The following FOXP1 variants were observed in gnomAD, a reference collection of about 807,000 sequenced individuals.
FOXP1 encodes the protein forkhead box protein P1.
A neutral mutation model predicts 98.2 loss-of-function variants in FOXP1; 15 were observed. The ratio of observed to expected loss-of-function variants is 0.15; its 90% confidence interval spans 0.10 to 0.24. The LOEUF is 0.24. Ranked by LOEUF, FOXP1 falls within the 10% of genes least tolerant of loss-of-function variation. FOXP1 has a pLI of 1.00. For synonymous variants in FOXP1, 371 were observed against 314.5 expected, an observed-to-expected ratio of 1.18 and a Z score of -1.90; for missense variants, 633 against 848.5, an observed-to-expected ratio of 0.75 and a Z score of 3.15.
At chr3:70,972,379 C>T (rs575297344) in intron 18 of FOXP1, 176 bp downstream of exon 18, 5 of 978,590 alleles carry the variant, frequency 5.1e-6, no homozygotes, top group East Asian at 5.0e-5. Context: ...GCAAGCAGGG[C>T]AGGGGGACTG....
At chr3:71,058,349 A>G (rs571939419) in intron 7 of FOXP1, among the ~76,000 whole-genome samples, 1 of 152,338 alleles carries the variant, frequency 6.6e-6, no homozygotes, top group South Asian at 2.1e-4. Context: ...AAAAAATGCT[A>G]AACACTGTTT....
At chr3:70,972,905 T>A (rs2036573193) in intron 17 of FOXP1, among the ~76,000 whole-genome samples, 2 of 152,042 alleles carry the variant, frequency 1.3e-5, no homozygotes, top group Non-Finnish European at 2.9e-5. Context: ...TCTCTGGTAA[T>A]AACTGACCAG....
At chr3:71,366,531 G>GAA (rs2078941617) in intron 3 of FOXP1, among the ~76,000 whole-genome samples, 1 of 152,016 alleles carries the variant, frequency 6.6e-6, no homozygotes, top group Admixed American at 6.6e-5. Flanking sequence ...TAGAGAAATG[G>GAA]GATTACGGTC....
At chr3:71,217,590 A>C (rs983407172) in intron 5 of FOXP1, among the ~76,000 whole-genome samples, 5 of 152,064 alleles carry the variant, frequency 3.3e-5, no homozygotes, top group African/African-American at 9.7e-5. Flanking sequence ...AGTATATTTC[A>C]AGAGGCTGGG....
intron 5 of FOXP1, among the ~76,000 whole-genome samples, chr3:71,204,601 T>C (rs796261690): frequency 7.2e-5 from 11 of 152,272 alleles, no homozygotes; most frequent in African/African-American, 2.6e-4. Flanking sequence ...GGCGAGATGC[T>C]GCTGGAGCAG....
chr3:71,182,875 T>G, intron 6 of FOXP1, among the ~76,000 whole-genome samples: 1 of 151,696 alleles, frequency 6.6e-6, no homozygotes, highest in African/African-American at 2.4e-5. Flanking sequence ...ATAATCCCAT[T>G]AACAGACCCC....
chr3:71,304,039 A>G (rs2074070418), intron 4 of FOXP1, among the ~76,000 whole-genome samples: 1 of 152,186 alleles, frequency 6.6e-6, no homozygotes, highest in Non-Finnish European at 1.5e-5. Context: ...TCTCTCTCCT[A>G]TCCCTGCAAG....
intron 7 of FOXP1, among the ~76,000 whole-genome samples, chr3:71,091,097 CTGTGTGTGTGTG>C (rs1191628935): frequency 7.5e-6 from 1 of 132,606 alleles, no homozygotes; most frequent in East Asian, 2.4e-4. Flanking sequence ...GTGCCAGATT[CTGTGTGTGTGTG>C]TGTGTGTGTG....
At chr3:71,475,310 A>C (rs1210234910) in intron 3 of FOXP1, among the ~76,000 whole-genome samples, 3 of 152,210 alleles carry the variant, frequency 2.0e-5, no homozygotes, top group Admixed American at 6.5e-5. Flanking sequence ...CAGTGGAAGA[A>C]GGAGCAACTA....
intron 13 of FOXP1, among the ~76,000 whole-genome samples, chr3:70,999,252 G>A (rs2041810317): frequency 6.6e-6 from 1 of 152,058 alleles, no homozygotes; most frequent in Non-Finnish European, 1.5e-5. Flanking sequence ...ACCACACCTG[G>A]CTAATTTTTG....
At chr3:71,523,253 G>A (rs1241326185) in intron 2 of FOXP1, among the ~76,000 whole-genome samples, 5 of 152,220 alleles carry the variant, frequency 3.3e-5, no homozygotes, top group African/African-American at 1.2e-4. Context: ...CTTTCTGAAA[G>A]AGTCCACTCT....
chr3:70,996,605 G>A (rs996566413), intron 13 of FOXP1, among the ~76,000 whole-genome samples: 2 of 152,182 alleles, frequency 1.3e-5, no homozygotes, highest in Non-Finnish European at 2.9e-5. Flanking sequence ...AAAGTTTTCT[G>A]GGGTTTAGAT....
chr3:71,478,943 C>T (rs929417250), intron 3 of FOXP1, among the ~76,000 whole-genome samples: 2 of 152,192 alleles, frequency 1.3e-5, no homozygotes, highest in African/African-American at 4.8e-5. Flanking sequence ...GGGAAAGTCA[C>T]TTGGAGAAAG....
At chr3:71,327,085 A>G (rs1357353179) in intron 4 of FOXP1, among the ~76,000 whole-genome samples, 1 of 152,092 alleles carries the variant, frequency 6.6e-6, no homozygotes, top group Non-Finnish European at 1.5e-5. Context: ...GGTCTTAACC[A>G]CCATGTTACA....
intron 6 of FOXP1, among the ~76,000 whole-genome samples, chr3:71,149,653 G>A (rs1449215436): frequency 6.6e-6 from 1 of 152,122 alleles, no homozygotes; most frequent in Non-Finnish European, 1.5e-5. Context: ...GATATGGAAG[G>A]TATAGCCGAT....
Position 70,958,059 on chromosome 3 carries a change from G to A in FOXP1, c.*1188C>T. 3.4e-6 allele frequency: 1 copy of A among 290,328 alleles called. No homozygotes were observed. The highest frequency in any genetic ancestry group is 8.1e-4 in the Middle Eastern group (1 of 1,238). The allele number at this position is 290,328 out of a possible 1,614,324, so 18.0% of individuals were successfully genotyped here. On this transcript the variant is annotated 3_prime_UTR_variant, in exon 21 of 21. Transcript: ENST00000649528. ...TTATCGCAGAGCACCCAAGGCCCATGGCAACTTGGTTCCACAAGGGAGAGC... is the reference window on the plus strand; with the variant it reads ...TTATCGCAGAGCACCCAAGGCCCATAGCAACTTGGTTCCACAAGGGAGAGC...
intron 6 of FOXP1, among the ~76,000 whole-genome samples, chr3:71,196,118 T>C (rs1040466487): frequency 3.9e-5 from 6 of 152,210 alleles, no homozygotes; most frequent in African/African-American, 1.4e-4. Flanking sequence ...GCTTTGTTTC[T>C]TCCCAAAATG....
intron 7 of FOXP1, among the ~76,000 whole-genome samples, chr3:71,111,884 A>G (rs2057961294): frequency 6.6e-6 from 1 of 152,160 alleles, no homozygotes; most frequent in South Asian, 2.1e-4. Context: ...GGTATATATT[A>G]TAATCATTAC....
intron 3 of FOXP1, among the ~76,000 whole-genome samples, chr3:71,378,179 GA>G (rs1361736810): frequency 7.4e-6 from 1 of 135,052 alleles, no homozygotes; most frequent in African/African-American, 2.7e-5. Context: ...GGTGGATAAA[GA>G]GACTCTTTTC....
Sources: allele counts gnomAD v4.1 joint callset (sites outside exome capture counted in the v4.1 genomes callset), GRCh38; gene constraint gnomAD v4.1.1; transcripts MANE v1.5; gene names NCBI Gene and HGNC (gene_info 2026-07-23, HGNC 2026-07-21).